The following CHCHD4 variants were observed in gnomAD, a reference collection of about 807,000 sequenced individuals.
CHCHD4 encodes the protein coiled-coil-helix-coiled-coil-helix domain containing 4, also known as mitochondrial intermembrane space import and assembly protein 40.
Under a neutral mutation model 12.4 loss-of-function variants are expected in CHCHD4, and 7 were observed. The ratio of observed to expected loss-of-function variants is 0.57; its 90% confidence interval spans 0.32 to 1.06. CHCHD4 has a LOEUF of 1.06. Ranked by LOEUF, CHCHD4 falls within the 50% of genes least tolerant of loss-of-function variation. CHCHD4 has a pLI of 0.04. For synonymous variants in CHCHD4, 56 were observed against 58.0 expected, an observed-to-expected ratio of 0.97 and a Z score of 0.16; for missense variants, 143 against 175.1, an observed-to-expected ratio of 0.82 and a Z score of 1.03.
rs1468049875 is a variant in CHCHD4, at chr3:14,124,870, T to C, written c.-194A>G. The C allele has an allele frequency of 7.5e-6, 5 of 669,028 alleles. No homozygotes were observed. In the Admixed American group the frequency reaches 1.3e-4, roughly 18 times the overall value. 41.4% of individuals were successfully genotyped at this position (669,028 alleles called of 1,614,324 possible). A position where few individuals can be genotyped will look rare whatever the true frequency, so the allele number is the denominator to read the frequency against. ...GGCCAGGCCAACCTCAGCCGGAAAC[T>C]ACATTTCCCAGCAGGTCGCGCGCTC... On this transcript the variant is annotated 5_prime_UTR_variant, in exon 1 of 3. Coordinates refer to ENST00000396914, the MANE Select transcript of CHCHD4 (RefSeq NM_001098502.2).
intron 2 of CHCHD4, among the ~76,000 whole-genome samples, chr3:14,115,608 C>T (rs552347906): frequency 2.1e-4 from 32 of 152,166 alleles, no homozygotes; most frequent in Non-Finnish European, 3.7e-4. Flanking sequence ...GCAGTCAGGG[C>T]AACAAGTGAA....
chr3:14,121,620 T>G (rs1231055849), intron 1 of CHCHD4, among the ~76,000 whole-genome samples: 1 of 152,206 alleles, frequency 6.6e-6, no homozygotes, highest in Non-Finnish European at 1.5e-5. Flanking sequence ...TCTTTCGTTT[T>G]TGGCTAAGTT....
chr3:14,113,773 T>C (rs1359542923), intron 2 of CHCHD4, among the ~76,000 whole-genome samples: 1 of 152,178 alleles, frequency 6.6e-6, no homozygotes, highest in Non-Finnish European at 1.5e-5. Flanking sequence ...TGGCATACCA[T>C]TAGTGCGAGT....
At chr3:14,115,784 C>T (rs1574930808) in intron 2 of CHCHD4, among the ~76,000 whole-genome samples, 3 of 152,330 alleles carry the variant, frequency 2.0e-5, no homozygotes, top group Admixed American at 2.0e-4. Flanking sequence ...GAAGTGACTA[C>T]TGTACAATAC....
rs370647400 is a variant in CHCHD4, at chr3:14,113,128, G to A, written c.188C>T (p.Pro63Leu). 8.1e-6 allele frequency: 13 copies of A among 1,613,858 alleles called. No individual in the cohort carries two copies. The highest frequency in any genetic ancestry group is 1.1e-5 in the South Asian group (1 of 91,062). ...CPCLGGMASG[P>L]CGEQFKSAFS... ...GGCTGACTTAAACTGTTCTCCACAGGGACCGCTGGCCATTCCCCCAAGGCA... is the reference window on the plus strand; with the variant it reads ...GGCTGACTTAAACTGTTCTCCACAGAGACCGCTGGCCATTCCCCCAAGGCA... Residue 63 changes from proline (P) to leucine (L), a missense_variant, in exon 3 of 3, where the codon CCC becomes CTC. Pro to Leu is a moderately conservative substitution (Grantham distance 98). Coordinates refer to ENST00000396914, the MANE Select transcript of CHCHD4 (RefSeq NM_001098502.2).
intron 1 of CHCHD4, among the ~76,000 whole-genome samples, chr3:14,118,959 T>C (rs1694904876): frequency 6.6e-6 from 1 of 152,168 alleles, no homozygotes; most frequent in African/African-American, 2.4e-5. Flanking sequence ...TATGAGGCCC[T>C]CCTGGGGTTT....
At chr3:14,124,582 GCGGGGCGC>G (rs1694983375) in intron 1 of CHCHD4, 65 bp downstream of exon 1, 21 of 1,384,510 alleles carry the variant, frequency 1.5e-5, no homozygotes, top group Non-Finnish European at 1.9e-5. Context: ...CGGCGTGGTC[GCGGGGCGC>G]CGGGGCCCGC....
At chr3:14,121,935 T>C in intron 1 of CHCHD4, 1 of 1,614,150 alleles carries the variant, frequency 6.2e-7, no homozygotes, top group Non-Finnish European at 8.5e-7. Flanking sequence ...GCTCCAGCTC[T>C]GTGGTAGTAC....
In CHCHD4 at chr3:14,112,963, T is replaced by G; in HGVS notation, c.353A>C (p.Lys118Thr). The change falls in exon 3 of 3, where the codon AAG becomes ACG. Residue 118 changes from lysine to threonine, a missense_variant. By Grantham distance (78) the Lys-to-Thr change is moderately conservative. Transcript: ENST00000396914. ...TTCTTCTGCTTGTTCTGCTGGCTTC[T>G]TCTCTCTTTCCTCTTCCTCATCCTC... ...EDEDEEEERE[K>T]KPAEQAEETA... The G allele has an allele frequency of 6.2e-7, 1 of 1,612,990 alleles. No individual in the cohort carries two copies. Among genetic ancestry groups the G allele is most frequent in the Non-Finnish European group, 8.5e-7 (1 of 1,179,500 alleles).
Position 14,112,859 on chromosome 3 carries a change from A to C in CHCHD4, c.*28T>G, listed in dbSNP as rs537169364. 5.7e-6 allele frequency: 9 copies of C among 1,582,264 alleles called. No individual in the cohort carries two copies. The highest frequency in any genetic ancestry group is 7.7e-6 in the Non-Finnish European group (9 of 1,163,550). ...TTTGCAAAAGGTCCACTCCAAAAGG[A>C]CTGGTGCCCAGTGCCTTGTGGCCTT... On this transcript the variant is annotated 3_prime_UTR_variant, in exon 3 of 3. Coordinates refer to ENST00000396914, the MANE Select transcript of CHCHD4 (RefSeq NM_001098502.2).
rs775126743 is a variant in CHCHD4, at chr3:14,112,930, G to A, written c.386C>T (p.Pro129Leu). 1.2e-6 allele frequency: 2 copies of A among 1,612,856 alleles called. No individual in the cohort carries two copies. Among genetic ancestry groups the A allele is most frequent in the Non-Finnish European group, 1.7e-6 (2 of 1,179,546 alleles). Residue 129 changes from proline to leucine, a missense_variant, in exon 3 of 3, where the codon CCC becomes CTC. Transcript: ENST00000396914. ...KPAEQAEETAPIEATATKEEE... is the reference protein window; with the variant it reads ...KPAEQAEETALIEATATKEEE... ...TTCTTTGGTTGCAGTGGCCTCAATG[G>A]GAGCTGTTTCTTCTGCTTGTTCTGC... is the stretch of plus-strand genomic sequence containing the variant.
At chr3:14,118,757 T>C (rs1694901611) in intron 1 of CHCHD4, among the ~76,000 whole-genome samples, 1 of 152,182 alleles carries the variant, frequency 6.6e-6, no homozygotes, top group South Asian at 2.1e-4. Flanking sequence ...TAACCTTGAT[T>C]CTACTATTCT....
chr3:14,121,416 C>T (rs1694932936), intron 1 of CHCHD4, among the ~76,000 whole-genome samples: 1 of 152,054 alleles, frequency 6.6e-6, no homozygotes, highest in Non-Finnish European at 1.5e-5. Context: ...TGAGTGAGAC[C>T]AAAAAATCCC....
At chr3:14,113,415 T>C (rs1694842545) in intron 2 of CHCHD4, among the ~76,000 whole-genome samples, 1 of 152,196 alleles carries the variant, frequency 6.6e-6, no homozygotes, top group Non-Finnish European at 1.5e-5. Context: ...GTGACACTAA[T>C]TTATTCTAAG....
At chr3:14,118,814 G>A (rs933056883) in intron 1 of CHCHD4, among the ~76,000 whole-genome samples, 4 of 152,240 alleles carry the variant, frequency 2.6e-5, no homozygotes, top group Admixed American at 1.3e-4. Flanking sequence ...AATGTTGAAC[G>A]CTAAGCAGAA....
chr3:14,122,235 T>C (rs1694943318), intron 1 of CHCHD4: 4 of 1,159,756 alleles, frequency 3.4e-6, no homozygotes, highest in Non-Finnish European at 4.6e-6. Flanking sequence ...TAAACGATCA[T>C]AGCATGCTGG....
intron 1 of CHCHD4, among the ~76,000 whole-genome samples, chr3:14,120,081 A>G (rs1694916334): frequency 6.6e-6 from 1 of 152,200 alleles, no homozygotes; most frequent in Non-Finnish European, 1.5e-5. Context: ...GGAGGAGGTC[A>G]TCCAGAATCA....
At position 14,117,275 on chromosome 3, in the gene CHCHD4, C is replaced by T. The variant is rs1049769204; in HGVS notation, c.23-751G>A. On this transcript the variant is annotated intron_variant, in intron 1 of 2. Transcript: ENST00000396914. ...GCCTGGCTGCCGGAAGGTCTGAGGG[C>T]TCCAGGAAAACAGACCAGTGAGAGT... 4.6e-5 allele frequency among the ~76,000 whole-genome samples: 7 copies of T among 152,314 alleles called. No homozygotes were observed. In the East Asian group the frequency reaches 9.7e-4, roughly 21 times the overall value.
intron 1 of CHCHD4, among the ~76,000 whole-genome samples, chr3:14,118,935 C>G (rs1574931866): frequency 6.6e-6 from 1 of 152,338 alleles, no homozygotes; most frequent in East Asian, 1.9e-4. Context: ...GCAAAGGGTC[C>G]AAACGTGGTA....
Sources: gnomAD v4.1 joint callset for allele counts (sites outside exome capture counted in the v4.1 genomes callset) on GRCh38, gnomAD v4.1.1 for gene constraint, MANE v1.5 for transcripts, NCBI Gene and HGNC (gene_info 2026-07-23, HGNC 2026-07-21) for gene names.